Variants in SEMA3D observed in about 807,000 individuals in gnomAD.
SEMA3D encodes the protein semaphorin-3D.
Under a neutral mutation model 100.1 loss-of-function variants are expected in SEMA3D, and 84 were observed. That is an observed-to-expected ratio of 0.84 (90% confidence interval 0.70 to 1.01). The LOEUF is 1.01. Ranked by LOEUF, SEMA3D falls within the 50% of genes least tolerant of loss-of-function variation. The pLI is 0.00. For missense variants in SEMA3D, 875 were observed against 934.1 expected (o/e 0.94, Z 0.82); for synonymous variants, 312 against 320.7 (o/e 0.97, Z 0.29).
intron 6 of SEMA3D, among the ~76,000 whole-genome samples, chr7:85,072,672 T>C (rs1480647189): frequency 6.6e-6 from 1 of 152,198 alleles, no homozygotes; most frequent in Non-Finnish European, 1.5e-5. Context: ...TGATAGTCCA[T>C]AGAATGGCTA....
chr7:85,046,628 C>T (rs1406052088), intron 9 of SEMA3D, among the ~76,000 whole-genome samples: 2 of 151,906 alleles, frequency 1.3e-5, no homozygotes, highest in Non-Finnish European at 2.9e-5. Context: ...CTCTTACAGA[C>T]ATCCAGAAGC....
intron 3 of SEMA3D, among the ~76,000 whole-genome samples, chr7:85,118,132 A>G (rs530206630): frequency 1.3e-5 from 2 of 152,078 alleles, no homozygotes; most frequent in Admixed American, 6.5e-5. Context: ...GCTATCTCCA[A>G]TCTTTAATTC....
intron 2 of SEMA3D, among the ~76,000 whole-genome samples, chr7:85,135,797 T>A (rs1490952154): frequency 1.3e-5 from 2 of 149,602 alleles, no homozygotes; most frequent in African/African-American, 2.4e-5. Context: ...AAAAAAAAAA[T>A]TATAATAAGA....
At chr7:85,186,628 C>G (rs1202530533) in intron 1 of SEMA3D, 50 bp downstream of exon 1, 3 of 152,704 alleles carry the variant, frequency 2.0e-5, no homozygotes, top group African/African-American at 7.2e-5. Context: ...GCACCGCGGT[C>G]TCCAGCACAC....
chr7:85,226,954 A>G, the SEMA3D span, among the ~76,000 whole-genome samples: 1 of 152,316 alleles, frequency 6.6e-6, no homozygotes, highest in East Asian at 1.9e-4. Flanking sequence ...GGTTTCTTTT[A>G]AAGTATGTGC....
chr7:85,172,651 G>C (rs1487377656), intron 1 of SEMA3D, among the ~76,000 whole-genome samples: 1 of 152,032 alleles, frequency 6.6e-6, no homozygotes, highest in Non-Finnish European at 1.5e-5. Context: ...TAGGCAACTT[G>C]ATTGCACAAG....
At chr7:85,140,038 G>C (rs199928656) in intron 2 of SEMA3D, 1 of 503,416 alleles carries the variant, frequency 2.0e-6, no homozygotes, top group Non-Finnish European at 2.6e-6. Flanking sequence ...GTTGCATGCT[G>C]TCATTAATTA....
chr7:85,051,801 T>C (rs530723762), intron 9 of SEMA3D, among the ~76,000 whole-genome samples: 1 of 152,100 alleles, frequency 6.6e-6, no homozygotes, highest in African/African-American at 2.4e-5. Flanking sequence ...TTTGCACATG[T>C]TCCTGGTCCA....
chr7:85,225,308 G>A, the SEMA3D span, among the ~76,000 whole-genome samples: 1 of 149,698 alleles, frequency 6.7e-6, no homozygotes, highest in Non-Finnish European at 1.5e-5. Flanking sequence ...CTCTTTTCCT[G>A]TTTTCTTTTC....
upstream of SEMA3D, among the ~76,000 whole-genome samples, chr7:85,187,825 T>C (rs1199153528): frequency 6.6e-6 from 1 of 152,190 alleles, no homozygotes; most frequent in Non-Finnish European, 1.5e-5. Context: ...TGAGAGTTCA[T>C]GAGGCCACCG....
At chr7:85,101,393 GA>G (rs1158910409) in intron 3 of SEMA3D, among the ~76,000 whole-genome samples, 1 of 151,946 alleles carries the variant, frequency 6.6e-6, no homozygotes, top group East Asian at 1.9e-4. Context: ...ATTACAAAAT[GA>G]AATATTACTT....
At chr7:85,187,420 G>A (rs1791590815), upstream of SEMA3D, among the ~76,000 whole-genome samples, 1 of 152,148 alleles carries the variant, frequency 6.6e-6, no homozygotes, top group Non-Finnish European at 1.5e-5. Flanking sequence ...CCACAAAACA[G>A]TACCTGCGTT....
intron 3 of SEMA3D, among the ~76,000 whole-genome samples, chr7:85,106,728 T>C (rs976581445): frequency 3.9e-5 from 6 of 151,994 alleles, no homozygotes; most frequent in African/African-American, 1.4e-4. Flanking sequence ...CACAGTTCCG[T>C]ATGGCTGGGG....
chr7:85,077,438 G>A (rs572789001), intron 5 of SEMA3D, among the ~76,000 whole-genome samples: 138 of 151,946 alleles, frequency 9.1e-4, no homozygotes, highest in Non-Finnish European at 1.5e-3. Context: ...CTATACGTGT[G>A]TGTGTATATA....
intron 13 of SEMA3D, 51 bp from the exon 14 acceptor site, chr7:85,020,372 T>A: frequency 1.5e-6 from 2 of 1,329,082 alleles, no homozygotes; most frequent in Non-Finnish European, 2.2e-6. Context: ...CAAAAATTAG[T>A]GGTAAGCATA....
At position 85,175,468 on chromosome 7, in the gene SEMA3D, T is replaced by C. The variant is rs866244291; in HGVS notation, c.-173+11210A>G. On this transcript the variant is annotated intron_variant, in intron 1 of 18. Transcript: ENST00000284136. ...GAAAACCCGAACAATGAATGCTCTCTGCCAAACCTCATCATAGTGAAGTCT... is the reference window on the plus strand; with the variant it reads ...GAAAACCCGAACAATGAATGCTCTCCGCCAAACCTCATCATAGTGAAGTCT... Among the ~76,000 whole-genome samples, 3 of 152,312 alleles carry C rather than the reference T, an allele frequency of 2.0e-5. No individual in the cohort carries two copies. In the South Asian group the frequency reaches 6.2e-4, roughly 32 times the overall value.
chr7:85,214,787 TGCCCG>T, the SEMA3D span, among the ~76,000 whole-genome samples: 3 of 152,156 alleles, frequency 2.0e-5, no homozygotes, highest in African/African-American at 7.2e-5. Context: ...TGAGCCACCG[TGCCCG>T]GCCTGTTTTT....
chr7:85,159,897 G>A lies in SEMA3D; in HGVS notation c.-172-6158C>T, dbSNP rs1220129148. On this transcript the variant is annotated intron_variant, in intron 1 of 18. Transcript: ENST00000284136. ...TGGAGGAAGGAAGCAAGAAAGATAG[G>A]AAAGAAGGAAGTGAAGGAAGAGAGA... 5.1e-6 allele frequency: 5 copies of A among 984,742 alleles called. No homozygotes were observed. In the African/African-American group the frequency reaches 8.7e-5, roughly 17 times the overall value. The allele number at this position is 984,742 out of a possible 1,614,324, so 61.0% of individuals were successfully genotyped here. A position where few individuals can be genotyped will look rare whatever the true frequency, so the allele number is the denominator to read the frequency against.
Position 85,110,331 on chromosome 7 carries a change from A to G in SEMA3D, c.151+11410T>C, listed in dbSNP as rs1789058073. Among the ~76,000 whole-genome samples, 3 of 152,062 alleles carry G rather than the reference A, an allele frequency of 2.0e-5. No individual in the cohort carries two copies. In the South Asian group the frequency reaches 6.2e-4, roughly 31 times the overall value. ...AAGTTGTATTAATAATACAAACACAATTTTACTAAAAAAGAGTGGGCTTAG... is the reference window on the plus strand; with the variant it reads ...AAGTTGTATTAATAATACAAACACAGTTTTACTAAAAAAGAGTGGGCTTAG... On this transcript the variant is annotated intron_variant, in intron 3 of 18. Transcript: ENST00000284136.
Sources: gnomAD v4.1 joint callset for allele counts (sites outside exome capture counted in the v4.1 genomes callset) on GRCh38, gnomAD v4.1.1 for gene constraint, MANE v1.5 for transcripts, NCBI Gene and HGNC (gene_info 2026-07-23, HGNC 2026-07-21) for gene names.